Variants in PMPCB observed in about 807,000 individuals in gnomAD.
PMPCB encodes the protein peptidase, mitochondrial processing subunit beta.
Under a neutral mutation model 61.5 loss-of-function variants are expected in PMPCB, and 46 were observed. The observed-to-expected ratio is 0.75, with a 90% confidence interval of 0.59 to 0.96. The LOEUF (loss-of-function observed/expected upper bound fraction) is 0.96. PMPCB is among the 40% of genes least tolerant of loss of function. The pLI is 0.00. For synonymous variants in PMPCB, 191 were observed against 201.6 expected (o/e 0.95, Z 0.44); for missense variants, 590 against 602.4 (o/e 0.98, Z 0.22).
In PMPCB at chr7:103,312,553, C is replaced by A; in HGVS notation, c.*282C>A. The stretch of plus-strand genomic sequence containing the variant: ...TTTTCAGTTTTATTATAAAAATGCA[C>A]ACACAACAAAGATTGTCATTTCTTG... On this transcript the variant is annotated 3_prime_UTR_variant, in exon 13 of 13. Coordinates refer to ENST00000249269, the MANE Select transcript of PMPCB (RefSeq NM_004279.3). 1 of 1,600,932 alleles carries A rather than the reference C, an allele frequency of 6.2e-7. No individual in the cohort carries two copies.
At position 103,307,654 on chromosome 7, in the gene PMPCB, C is replaced by T. The variant is rs1563448112; in HGVS notation, c.795C>T (p.Cys265=). The T allele has an allele frequency of 6.2e-7, 1 of 1,613,412 alleles. No homozygotes were observed. Among genetic ancestry groups the T allele is most frequent in the Non-Finnish European group, 8.5e-7 (1 of 1,179,340 alleles). ...LAKFHFGDSL[C]THKGEIPALP... is the part of the protein sequence containing the mutation. The stretch of plus-strand genomic sequence containing the variant: ...AGTTTCATTTCGGTGACTCTTTATG[C>T]ACACACAAAGGAGAAATACCAGCTC... The change falls in exon 7 of 13, where the codon TGC becomes TGT. Residue 265 remains cysteine (C), a synonymous_variant. Coordinates refer to ENST00000249269, the MANE Select transcript of PMPCB (RefSeq NM_004279.3).
At chr7:103,301,215 G>A (rs1450990965) in intron 4 of PMPCB, among the ~76,000 whole-genome samples, 2 of 152,144 alleles carry the variant, frequency 1.3e-5, no homozygotes, top group Non-Finnish European at 2.9e-5. Context: ...GGCTTACTGT[G>A]GACTCAAGTG....
intron 5 of PMPCB, 104 bp from the exon 6 acceptor site, chr7:103,304,307 T>G: frequency 1.4e-6 from 1 of 737,972 alleles, no homozygotes; most frequent in South Asian, 1.6e-5. Context: ...TATTTCTGAC[T>G]GCATTTTAGG....
downstream of PMPCB, chr7:103,319,488 G>A: frequency 2.0e-6 from 2 of 991,684 alleles, no homozygotes; most frequent in Admixed American, 2.5e-5. Flanking sequence ...ACAAAACAGT[G>A]GGAAACATAA....
At chr7:103,335,528 T>A in the PMPCB span, 1 of 151,842 alleles carries the variant, frequency 6.6e-6, no homozygotes, top group Non-Finnish European at 1.5e-5. Flanking sequence ...TTTCTTTTCT[T>A]TCTTTCTTTC....
At chr7:103,326,651 C>T (rs773465095) in intron 12 of PMPCB, 11 of 1,612,204 alleles carry the variant, frequency 6.8e-6, no homozygotes, top group East Asian at 4.5e-5. Flanking sequence ...GTTAAATGCT[C>T]GTCTTTTCAC....
chr7:103,297,698 T>C, intron 1 of PMPCB, 140 bp downstream of exon 1: 1 of 1,536,174 alleles, frequency 6.5e-7, no homozygotes, highest in Non-Finnish European at 8.7e-7. Context: ...CCAGGCGGCC[T>C]GGGGCTGCTG....
the PMPCB span, among the ~76,000 whole-genome samples, chr7:103,334,549 C>A: frequency 6.6e-6 from 1 of 150,886 alleles, no homozygotes; most frequent in African/African-American, 2.4e-5. Flanking sequence ...GCACTCCACC[C>A]TGGATAACAG....
downstream of PMPCB, chr7:103,319,643 G>T: frequency 1.2e-6 from 2 of 1,613,930 alleles, no homozygotes; most frequent in Non-Finnish European, 1.7e-6. Context: ...TACTTCTTTT[G>T]TGCATGATGT....
At chr7:103,301,703 C>T (rs1404526668) in intron 4 of PMPCB, among the ~76,000 whole-genome samples, 1 of 152,158 alleles carries the variant, frequency 6.6e-6, no homozygotes, top group Non-Finnish European at 1.5e-5. Flanking sequence ...GTTTTTCACC[C>T]TTCACCCTGG....
At chr7:103,301,992 A>C (rs1480323057) in intron 4 of PMPCB, among the ~76,000 whole-genome samples, 3 of 151,872 alleles carry the variant, frequency 2.0e-5, no homozygotes, top group Middle Eastern at 3.2e-3. Context: ...TGATGTTCCC[A>C]CCTCGTGTCC....
chr7:103,316,655 T>C, downstream of PMPCB: 1 of 608,524 alleles, frequency 1.6e-6, no homozygotes, highest in Non-Finnish European at 2.9e-6. Context: ...TGTGTACTGA[T>C]GCAATGGGTA....
At position 103,310,504 on chromosome 7, in the gene PMPCB, A is replaced by G. The variant is rs759593148; in HGVS notation, c.1154+29A>G. ...AGAAAAATAGCTTTAAGTAATTTAA[A>G]TTTTGCCTTTAATTCGTTTTAAACT... On this transcript the variant is annotated intron_variant, in intron 9 of 12. Transcript: ENST00000249269. 4 of 1,556,926 alleles carry G rather than the reference A, an allele frequency of 2.6e-6. No homozygotes were observed. The East Asian group carries it at 9.1e-5, about 36-fold the overall frequency.
downstream of PMPCB, among the ~76,000 whole-genome samples, chr7:103,331,763 C>T (rs1818982673): frequency 6.6e-6 from 1 of 152,026 alleles, no homozygotes; most frequent in African/African-American, 2.4e-5. Flanking sequence ...CTGATGGACA[C>T]TTAGGTTGAT....
At chr7:103,342,024 T>G in the PMPCB span, 1 of 1,254,178 alleles carries the variant, frequency 8.0e-7, no homozygotes, top group East Asian at 2.6e-5. Flanking sequence ...GGCAATTAAT[T>G]TTTTCAGGAA....
intron 4 of PMPCB, among the ~76,000 whole-genome samples, chr7:103,300,629 A>C (rs1471817903): frequency 6.6e-6 from 1 of 152,220 alleles, no homozygotes; most frequent in Non-Finnish European, 1.5e-5. Context: ...TACACAAAAC[A>C]TTTCCCAGTG....
At chr7:103,304,956 CAA>C (rs562344531) in intron 6 of PMPCB, among the ~76,000 whole-genome samples, 1 of 120,122 alleles carries the variant, frequency 8.3e-6, no homozygotes. Context: ...GAGACTGTCT[CAA>C]AAAAAAAAAA....
downstream of PMPCB, chr7:103,317,274 T>TG (rs1563456687): frequency 2.5e-6 from 1 of 397,622 alleles, no homozygotes; most frequent in African/African-American, 2.0e-5. Flanking sequence ...CCATTAGCCT[T>TG]GGACACTAAT....
At chr7:103,317,296 T>C (rs1385899369), downstream of PMPCB, 2 of 342,122 alleles carry the variant, frequency 5.8e-6, no homozygotes, top group African/African-American at 4.2e-5. Flanking sequence ...GACAAGTCTG[T>C]GGGTCACTGA....
Sources: gnomAD v4.1 joint callset for allele counts (sites outside exome capture counted in the v4.1 genomes callset) on GRCh38, gnomAD v4.1.1 for gene constraint, MANE v1.5 for transcripts, NCBI Gene and HGNC (gene_info 2026-07-23, HGNC 2026-07-21) for gene names.